Variants in CREBRF observed in about 807,000 individuals in gnomAD.
CREBRF encodes the protein CREB3 regulatory factor.
CREBRF carries 5 observed loss-of-function variants against 66.1 expected under a neutral mutation model. That is an observed-to-expected ratio of 0.08 (90% CI 0.04 to 0.16). The LOEUF (loss-of-function observed/expected upper bound fraction) is 0.16. Ranked by LOEUF, CREBRF falls within the 10% of genes least tolerant of loss-of-function variation. The pLI is 1.00. For synonymous variants in CREBRF, 229 were observed against 264.4 expected (o/e 0.87, Z 1.30); for missense variants, 531 against 744.9 (o/e 0.71, Z 3.34).
At chr5:173,064,689 CA>C (rs1757381739) in intron 1 of CREBRF, among the ~76,000 whole-genome samples, 1 of 151,986 alleles carries the variant, frequency 6.6e-6, no homozygotes, top group South Asian at 2.1e-4. Context: ...CTCAGCCTTC[CA>C]AGTAGCTGGG....
intron 1 of CREBRF, among the ~76,000 whole-genome samples, chr5:173,058,986 G>A (rs1256869439): frequency 6.6e-6 from 1 of 151,198 alleles, no homozygotes; most frequent in Non-Finnish European, 1.5e-5. Context: ...TAATAGAGAC[G>A]GGGTTTCACC....
At chr5:173,117,723 A>G (rs745341815) in intron 7 of CREBRF, among the ~76,000 whole-genome samples, 9 of 120,226 alleles carry the variant, frequency 7.5e-5, no homozygotes, top group Non-Finnish European at 1.4e-4. Context: ...CCATCTTTCT[A>G]TCTTTCTTGT....
At position 173,056,406 on chromosome 5, in the gene CREBRF, A is replaced by T; in HGVS notation, c.-265A>T. 1 of 398,218 alleles carries T rather than the reference A, an allele frequency of 2.5e-6. No individual in the cohort carries two copies. Among genetic ancestry groups the T allele is most frequent in the Non-Finnish European group, 4.4e-6 (1 of 225,778 alleles). The allele number at this position is 398,218 out of a possible 1,614,324, so 24.7% of individuals were successfully genotyped here. A position where few individuals can be genotyped will look rare whatever the true frequency, so the allele number is the denominator to read the frequency against. On this transcript the variant is annotated 5_prime_UTR_variant, in exon 1 of 9. Coordinates refer to ENST00000296953, the MANE Select transcript of CREBRF (RefSeq NM_153607.3). ...GAAGGACATAAACAAAACAAACCCG[A>T]GGCAGCATGGAGAGGGGCCGTGGCC...
rs1561798196 is a variant in CREBRF at position 173,080,897 on chromosome 5, T to C, written c.9+113T>C. 5.0e-6 allele frequency: 5 copies of C among 1,000,790 alleles called. No individual in the cohort carries two copies. The Admixed American group carries it at 6.9e-5, about 14-fold the overall frequency. 62.0% of individuals were successfully genotyped at this position (1,000,790 alleles called of 1,614,324 possible). ...CTTTGCATACTACCTTTTTGTGATA[T>C]CTCATTTCTGATCTCAGCTAGTTTT... On this transcript the variant is annotated intron_variant, in intron 2 of 8. Coordinates refer to ENST00000296953, the MANE Select transcript of CREBRF (RefSeq NM_153607.3).
chr5:173,089,280 A>G (rs1758258665), intron 3 of CREBRF, among the ~76,000 whole-genome samples: 1 of 151,706 alleles, frequency 6.6e-6, no homozygotes, highest in Non-Finnish European at 1.5e-5. Flanking sequence ...AAGACTCAAA[A>G]CGTCCTCATT....
At position 173,136,830 on chromosome 5, in the gene CREBRF, C is replaced by T. The variant is rs1317915481; in HGVS notation, c.*3085C>T. On this transcript the variant is annotated 3_prime_UTR_variant, in exon 9 of 9. Coordinates refer to ENST00000296953, the MANE Select transcript of CREBRF (RefSeq NM_153607.3). The stretch of plus-strand genomic sequence containing the variant: ...TCTCTAAAGGTTTTCTGTGTTCATA[C>T]ATGGTATACAGATAGCTCATAATGA... 5 of 152,300 alleles carry T rather than the reference C, an allele frequency of 3.3e-5. No individual in the cohort carries two copies. In the East Asian group the frequency reaches 9.6e-4, roughly 29 times the overall value. The allele number at this position is 152,300 out of a possible 1,614,324, so 9.4% of individuals were successfully genotyped here. A position where few individuals can be genotyped will look rare whatever the true frequency, so the allele number is the denominator to read the frequency against.
chr5:173,064,376 C>T (rs760657241), intron 1 of CREBRF, among the ~76,000 whole-genome samples: 2 of 151,898 alleles, frequency 1.3e-5, no homozygotes, highest in Non-Finnish European at 2.9e-5. Flanking sequence ...ATGAGGTGGA[C>T]TCATGCAGTT....
At chr5:173,087,751 C>T (rs1036817087) in intron 3 of CREBRF, among the ~76,000 whole-genome samples, 4 of 152,014 alleles carry the variant, frequency 2.6e-5, no homozygotes, top group Non-Finnish European at 5.9e-5. Context: ...TTTGAGAGGC[C>T]GAGGCGGGTG....
At chr5:173,057,431 G>A (rs1757104418) in intron 1 of CREBRF, 1 of 152,312 alleles carries the variant, frequency 6.6e-6, no homozygotes, top group Non-Finnish European at 1.5e-5. Flanking sequence ...TAGCTCAGGG[G>A]AGCCTGACCT....
intron 1 of CREBRF, 95 bp downstream of exon 1, chr5:173,056,574 A>T: frequency 5.1e-6 from 2 of 395,220 alleles, no homozygotes; most frequent in Non-Finnish European, 8.9e-6. Flanking sequence ...AGGAGGCAGC[A>T]GCGCTGGGGC....
intron 8 of CREBRF, among the ~76,000 whole-genome samples, chr5:173,127,901 T>A (rs1043848592): frequency 2.6e-5 from 4 of 152,202 alleles, no homozygotes; most frequent in African/African-American, 9.6e-5. Context: ...TTTGTTTGAT[T>A]TTTGATTTCT....
At chr5:173,074,779 C>T (rs1307712415) in intron 1 of CREBRF, among the ~76,000 whole-genome samples, 12 of 151,992 alleles carry the variant, frequency 7.9e-5, no homozygotes, top group African/African-American at 2.7e-4. Flanking sequence ...TGCACCACCA[C>T]GCCTGGCTAA....
At position 173,091,126 on chromosome 5, in the gene CREBRF, G is replaced by A. The variant is rs374445235; in HGVS notation, c.947G>A (p.Ser316Asn). The A allele has an allele frequency of 2.5e-6, 4 of 1,614,230 alleles. No individual in the cohort carries two copies. The highest frequency in any genetic ancestry group is 1.7e-5 in the Admixed American group (1 of 60,020). The change falls in exon 4 of 9, where the codon AGC becomes AAC. Residue 316 changes from serine to asparagine, a missense_variant. Around this residue, in one of 5 missense-constraint regions of CREBRF, gnomAD observed 309 missense variants for 341.4 expected, o/e 0.90. Transcript: ENST00000296953. Reference sequence around the variant, plus strand: ...CCTGGGTCACTTGCAGCAGGAGAGAGCAGCAGTCTTTCTGCCAGTACATCA... The same window carrying A: ...CCTGGGTCACTTGCAGCAGGAGAGAACAGCAGTCTTTCTGCCAGTACATCA... ...EGPGSLAAGESSSLSASTSVS... is the reference protein window; with the variant it reads ...EGPGSLAAGENSSLSASTSVS...
At chr5:173,061,633 G>C (rs186740342) in intron 1 of CREBRF, among the ~76,000 whole-genome samples, 1 of 152,316 alleles carries the variant, frequency 6.6e-6, no homozygotes, top group African/African-American at 2.4e-5. Context: ...CACGTGAATA[G>C]TCAACACATG....
chr5:173,095,811 G>GT (rs77216778), intron 4 of CREBRF, among the ~76,000 whole-genome samples: 5,678 of 142,070 alleles, frequency 0.04, 142 homozygotes, highest in South Asian at 0.064. Context: ...TTTTTTCTAA[G>GT]TTTTTTTTTT....
At chr5:173,128,302 T>A (rs539350314) in intron 8 of CREBRF, among the ~76,000 whole-genome samples, 1 of 152,314 alleles carries the variant, frequency 6.6e-6, no homozygotes, top group South Asian at 2.1e-4. Context: ...ATTACTGACC[T>A]CCAGTTTTTT....
chr5:173,108,505 A>T, intron 4 of CREBRF, 119 bp from the exon 5 acceptor site: 1 of 797,410 alleles, frequency 1.3e-6, no homozygotes, highest in Non-Finnish European at 2.0e-6. Flanking sequence ...TTGACATGCC[A>T]ATGATGTTTT....
intron 8 of CREBRF, among the ~76,000 whole-genome samples, chr5:173,127,145 G>A (rs1351593395): frequency 6.6e-6 from 1 of 150,642 alleles, no homozygotes; most frequent in Non-Finnish European, 1.5e-5. Context: ...AGTTTAAATG[G>A]GTTGGAGTTT....
chr5:173,085,749 G>A (rs1255149956), intron 2 of CREBRF: 2 of 771,958 alleles, frequency 2.6e-6, no homozygotes. Flanking sequence ...TTCTGTGTGA[G>A]TGTAGAACAC....
Sources: gnomAD v4.1 joint callset for allele counts (sites outside exome capture counted in the v4.1 genomes callset) on GRCh38, gnomAD v4.1.1 for gene constraint, gnomAD v4.1.1 regional missense constraint, MANE v1.5 for transcripts, NCBI Gene and HGNC (gene_info 2026-07-23, HGNC 2026-07-21) for gene names.